SUFU: variants seen among roughly 807,000 people sequenced by gnomAD.
SUFU encodes suppressor of fused homolog.
A neutral mutation model predicts 58.9 loss-of-function variants in SUFU; 7 were observed. The ratio of observed to expected loss-of-function variants is 0.12; its 90% CI spans 0.07 to 0.22. The LOEUF is 0.22. Among genes scored for constraint, SUFU ranks in the 10% least tolerant of loss-of-function variants. SUFU has a pLI of 1.00. For synonymous variants in SUFU, 232 were observed against 254.8 expected (o/e 0.91, Z 0.85); for missense variants, 451 against 641.3 (o/e 0.70, Z 3.20).
At chr10:102,609,892 G>T (rs1590076533) in intron 8 of SUFU, among the ~76,000 whole-genome samples, 1 of 152,186 alleles carries the variant, frequency 6.6e-6, no homozygotes, top group Non-Finnish European at 1.5e-5. Flanking sequence ...TGAGCTTGGT[G>T]TCACTCTCAG....
At chr10:102,594,280 T>C (rs908497372) in intron 6 of SUFU, among the ~76,000 whole-genome samples, 3 of 152,218 alleles carry the variant, frequency 2.0e-5, no homozygotes, top group Non-Finnish European at 2.9e-5. Context: ...TATTTTGGCA[T>C]TTTAAAAGGA....
chr10:102,590,808 C>G (rs897147679), intron 3 of SUFU: 17 of 152,102 alleles, frequency 1.1e-4, no homozygotes, highest in African/African-American at 4.1e-4. Flanking sequence ...TTCTTGCTTG[C>G]AGAACATGCA....
Position 102,619,107 on chromosome 10 carries a change from C to T in SUFU, c.1296+1679C>T, listed in dbSNP as rs576187078. ...GGAGCTCTGCCCTCCCGTCCTGGAACGTCTTTCTGCCCTGAGGAGAGGGTA... is the reference window on the plus strand; with the variant it reads ...GGAGCTCTGCCCTCCCGTCCTGGAATGTCTTTCTGCCCTGAGGAGAGGGTA... On this transcript the variant is annotated intron_variant, in intron 10 of 11. Transcript: ENST00000369902. The surrounding 1 kb of genome is among the most constrained non-coding windows in gnomAD (Gnocchi z 4.2). 246 of 1,612,784 alleles carry T rather than the reference C, an allele frequency of 1.5e-4. No individual in the cohort carries two copies. The highest frequency in any genetic ancestry group is 3.3e-4 in the Middle Eastern group (2 of 6,062).
At chr10:102,560,840 CT>C (rs928128869) in intron 3 of SUFU, among the ~76,000 whole-genome samples, 58 of 146,844 alleles carry the variant, frequency 3.9e-4, no homozygotes, top group Middle Eastern at 3.5e-3. Context: ...CGAAGTATTT[CT>C]TTTTTTTTTT....
intron 2 of SUFU, among the ~76,000 whole-genome samples, chr10:102,518,519 G>A (rs12768479): frequency 0.46 from 67,054 of 147,212 alleles, 16,430 homozygotes; most frequent in Middle Eastern, 0.59. Context: ...CTGTCTGTCT[G>A]TCTATCTATC....
intron 8 of SUFU, among the ~76,000 whole-genome samples, chr10:102,604,780 G>A (rs1184435308): frequency 2.6e-5 from 4 of 152,070 alleles, no homozygotes; most frequent in Non-Finnish European, 5.9e-5. Context: ...GTGCCCAGAG[G>A]AGTTAATAGT....
At chr10:102,538,360 C>G (rs1444138408) in intron 2 of SUFU, among the ~76,000 whole-genome samples, 1 of 138,060 alleles carries the variant, frequency 7.2e-6, no homozygotes, top group African/African-American at 2.7e-5. Flanking sequence ...TTTTTTTTTT[C>G]CAAATGTAAG....
intron 3 of SUFU, among the ~76,000 whole-genome samples, chr10:102,570,809 G>A (rs1026859269): frequency 5.9e-5 from 9 of 152,090 alleles, no homozygotes; most frequent in Non-Finnish European, 2.9e-5. Context: ...TCCTATGTGG[G>A]TGGATTCTAT....
intron 2 of SUFU, among the ~76,000 whole-genome samples, chr10:102,522,403 G>A (rs1409311): frequency 0.31 from 46,704 of 151,942 alleles, 7,471 homozygotes; most frequent in Admixed American, 0.36. Context: ...AAGATTTGGT[G>A]ATCAGTGTCA....
intron 3 of SUFU, among the ~76,000 whole-genome samples, chr10:102,555,949 C>T (rs1343122724): frequency 2.0e-5 from 3 of 152,360 alleles, no homozygotes; most frequent in East Asian, 3.9e-4. Flanking sequence ...TCTTGCCTCA[C>T]TTGTGCTGTC....
intron 2 of SUFU, among the ~76,000 whole-genome samples, chr10:102,544,466 C>T (rs907656845): frequency 2.0e-5 from 3 of 152,124 alleles, no homozygotes; most frequent in South Asian, 4.1e-4. Context: ...TTTGGGAGGC[C>T]GAGACGGGCA....
intron 2 of SUFU, among the ~76,000 whole-genome samples, chr10:102,548,191 A>G (rs149720228): frequency 6.6e-6 from 1 of 152,250 alleles, no homozygotes; most frequent in East Asian, 1.9e-4. Context: ...AGAGAGATAG[A>G]TAGATAGATA....
chr10:102,593,545 C>G (rs899573926), intron 4 of SUFU, 91 bp from the exon 5 acceptor site: 11 of 1,275,716 alleles, frequency 8.6e-6, no homozygotes, highest in Non-Finnish European at 1.3e-5. Flanking sequence ...GGTCTCCCAA[C>G]TGGAGGTGAC....
At chr10:102,507,369 G>A (rs1363617901) in intron 1 of SUFU, among the ~76,000 whole-genome samples, 4 of 152,192 alleles carry the variant, frequency 2.6e-5, no homozygotes, top group East Asian at 1.9e-4. Flanking sequence ...TATGGGGCCT[G>A]TAGTGGCTCT....
At chr10:102,517,173 A>G (rs1308122527) in intron 2 of SUFU, among the ~76,000 whole-genome samples, 1 of 152,042 alleles carries the variant, frequency 6.6e-6, no homozygotes, top group Non-Finnish European at 1.5e-5. Flanking sequence ...CTGTAAACCA[A>G]GCTACTTGGG....
At chr10:102,568,955 T>C (rs2063133361) in intron 3 of SUFU, among the ~76,000 whole-genome samples, 1 of 114,506 alleles carries the variant, frequency 8.7e-6, no homozygotes, top group Admixed American at 9.5e-5. Flanking sequence ...TATATATATA[T>C]ATATATATCT....
At chr10:102,526,998 T>A (rs1356721820) in intron 2 of SUFU, among the ~76,000 whole-genome samples, 4 of 140,808 alleles carry the variant, frequency 2.8e-5, no homozygotes, top group Non-Finnish European at 4.7e-5. Context: ...TTATTGTTTT[T>A]TTTTTTTTTT....
At chr10:102,542,844 C>T (rs902268686) in intron 2 of SUFU, among the ~76,000 whole-genome samples, 2 of 151,966 alleles carry the variant, frequency 1.3e-5, no homozygotes, top group African/African-American at 4.8e-5. Flanking sequence ...AGCCTGGTGT[C>T]GAATTCCTGG....
chr10:102,536,217 G>C (rs1044818848), intron 2 of SUFU, among the ~76,000 whole-genome samples: 1 of 151,792 alleles, frequency 6.6e-6, no homozygotes, highest in Non-Finnish European at 1.5e-5. Context: ...CACCTGCCTC[G>C]GCCTCCCAAA....
Sources: gnomAD v4.1 joint callset for allele counts (sites outside exome capture counted in the v4.1 genomes callset) on GRCh38, gnomAD v4.1.1 for gene constraint, Gnocchi (gnomAD v3.1) non-coding constraint, MANE v1.5 for transcripts, NCBI Gene and HGNC (gene_info 2026-07-23, HGNC 2026-07-21) for gene names.